The following GRAMD4 variants were observed in gnomAD, a reference collection of about 807,000 sequenced individuals.
The protein encoded by GRAMD4 is GRAM domain-containing protein 4.
In GRAMD4, 25 loss-of-function variants were observed where a neutral mutation model predicts 83.9. That is an observed-to-expected ratio of 0.30 (90% CI 0.22 to 0.42). The LOEUF (loss-of-function observed/expected upper bound fraction) is 0.42, where lower values mean the gene tolerates loss of function less well. GRAMD4 is among the 10% of genes least tolerant of loss of function. GRAMD4 has a pLI of 1.00. For synonymous variants in GRAMD4, 336 were observed against 320.9 expected, an observed-to-expected ratio of 1.05 and a Z score of -0.50; for missense variants, 593 against 788.7, an observed-to-expected ratio of 0.75 and a Z score of 2.97.
intron 1 of GRAMD4, among the ~76,000 whole-genome samples, chr22:46,604,445 T>C (rs2081345831): frequency 6.6e-6 from 1 of 152,216 alleles, no homozygotes; most frequent in South Asian, 2.1e-4. Context: ...TGTCATTTAC[T>C]GGCGTTAAAG....
Position 46,659,248 on chromosome 22 carries a change from C to A in GRAMD4, c.404+941C>A, listed in dbSNP as rs967198897. Among the ~76,000 whole-genome samples the A allele has an allele frequency of 1.1e-4, 14 of 126,510 alleles. No individual in the cohort carries two copies. Among genetic ancestry groups the A allele is most frequent in the African/African-American group, 1.0e-4 (3 of 28,834 alleles). 83.0% of individuals were successfully genotyped at this position (126,510 alleles called of 152,430 possible). ...CTCAGCCTCCACTCCCTCAGCCTCC[C>A]CCCTCAGTCTCCACCCTCAGTTTCT... On this transcript the variant is annotated intron_variant, in intron 4 of 18. Transcript: ENST00000406902. The surrounding 1 kb of genome is among the most constrained non-coding windows in gnomAD (Gnocchi z 4.1).
At chr22:46,581,560 G>A (rs1030142266) in intron 1 of GRAMD4, among the ~76,000 whole-genome samples, 1 of 152,256 alleles carries the variant, frequency 6.6e-6, no homozygotes, top group African/African-American at 2.4e-5. Flanking sequence ...TCAAAGTCAT[G>A]ATGAGACTTC....
rs6008932 is a variant in GRAMD4 at position 46,609,690 on chromosome 22, G to C, written c.-49-17061G>C. Among the ~76,000 whole-genome samples, 1,381 of 152,324 alleles carry C rather than the reference G, an allele frequency of 9.1e-3. 26 individuals carry two copies. Among genetic ancestry groups the C allele is most frequent in the African/African-American group, 0.031 (1,305 of 41,560 alleles). On this transcript the variant is annotated intron_variant, in intron 1 of 1. Coordinates refer to the GRAMD4 transcript ENST00000431155. ...GAGGCCCACGCACACACTGGATTCC[G>C]CATTGTGGAGTGCGAGTGCTTTGGG...
At chr22:46,652,060 G>A (rs1483793165) in intron 3 of GRAMD4, among the ~76,000 whole-genome samples, 1 of 152,184 alleles carries the variant, frequency 6.6e-6, no homozygotes, top group Non-Finnish European at 1.5e-5. Flanking sequence ...GAGGGAGAGT[G>A]TGGTTGGCAC....
intron 1 of GRAMD4, among the ~76,000 whole-genome samples, chr22:46,613,310 G>T (rs766138232): frequency 7.2e-5 from 11 of 152,218 alleles, no homozygotes; most frequent in Non-Finnish European, 1.6e-4. Context: ...GCGACCCACT[G>T]CATGCCTGTG....
rs981806900 is a variant in GRAMD4 at position 46,646,898 on chromosome 22, C to T, written c.283+8938C>T. Among the ~76,000 whole-genome samples the T allele has an allele frequency of 2.8e-4, 43 of 152,024 alleles. 1 individual carries two copies. Among genetic ancestry groups the T allele is most frequent in the African/African-American group, 1.0e-3 (43 of 41,440 alleles). ...GCAAGGAGGAGCAAGTCACATCTTA[C>T]CAGATAGCAGCAGGCAAAGAGAGAG... On this transcript the variant is annotated intron_variant, in intron 3 of 18. Coordinates refer to ENST00000406902, the MANE Select transcript of GRAMD4 (RefSeq NM_015124.5).
intron 1 of GRAMD4, among the ~76,000 whole-genome samples, chr22:46,609,796 G>A (rs1482872281): frequency 1.3e-5 from 2 of 152,234 alleles, no homozygotes; most frequent in African/African-American, 2.4e-5. Flanking sequence ...CGGTGCTTAG[G>A]GCTGGCTCCT....
At chr22:46,681,936 C>T (rs539907843), downstream of GRAMD4, among the ~76,000 whole-genome samples, 136 of 152,260 alleles carry the variant, frequency 8.9e-4, no homozygotes, top group African/African-American at 3.1e-3. Flanking sequence ...GTTTGGAGGA[C>T]AGGGTTGGCC....
rs1158538100 is a variant in GRAMD4 at position 46,622,907 on chromosome 22, A to G, written c.-50+2342A>G. Among the ~76,000 whole-genome samples the G allele has an allele frequency of 2.1e-5, 3 of 140,978 alleles. No homozygotes were observed. The highest frequency in any genetic ancestry group is 7.5e-5 in the Admixed American group (1 of 13,346). 92.5% of individuals were successfully genotyped at this position (140,978 alleles called of 152,430 possible). On this transcript the variant is annotated intron_variant, in intron 1 of 18. Coordinates refer to ENST00000406902, the MANE Select transcript of GRAMD4 (RefSeq NM_015124.5). This position sits in a 1 kb window ranked among gnomAD's most constrained non-coding sequence, Gnocchi z 4.0. Reference sequence around the variant, plus strand: ...AGCCTGGGCGACAGAGCAAGACTCCATCTCTAAAAAAAAAAAAAAAAAAAC... The same window carrying G: ...AGCCTGGGCGACAGAGCAAGACTCCGTCTCTAAAAAAAAAAAAAAAAAAAC...
intron 13 of GRAMD4, among the ~76,000 whole-genome samples, chr22:46,671,824 ACT>A (rs1219378342): frequency 1.3e-5 from 2 of 152,222 alleles, no homozygotes; most frequent in Non-Finnish European, 2.9e-5. Context: ...ACAGAGCAAG[ACT>A]CTGTCTCAAA....
At chr22:46,668,319 G>A (rs2082442702) in intron 11 of GRAMD4, 152 bp downstream of exon 11, 5 of 615,676 alleles carry the variant, frequency 8.1e-6, no homozygotes, top group South Asian at 3.9e-5. Flanking sequence ...GTTTGTCCGC[G>A]GTCAGCTGAC....
At chr22:46,666,381 A>G (rs2082409362) in intron 9 of GRAMD4, among the ~76,000 whole-genome samples, 1 of 152,240 alleles carries the variant, frequency 6.6e-6, no homozygotes, top group Non-Finnish European at 1.5e-5. Context: ...TGGCCGTTCA[A>G]AAGTTTGCAC....
intron 1 of GRAMD4, among the ~76,000 whole-genome samples, chr22:46,596,844 C>G (rs983479977): frequency 1.3e-5 from 2 of 152,232 alleles, no homozygotes; most frequent in African/African-American, 2.4e-5. Flanking sequence ...AGCCACCATG[C>G]CTGGCCCAGA....
At chr22:46,601,075 C>T (rs141446799) in intron 1 of GRAMD4, among the ~76,000 whole-genome samples, 4,838 of 152,040 alleles carry the variant, frequency 0.032, 104 homozygotes, top group Non-Finnish European at 0.045. Context: ...ACCTGGGAGG[C>T]GGAGGTTGCA....
intron 1 of GRAMD4, among the ~76,000 whole-genome samples, chr22:46,602,065 T>A (rs572464102): frequency 2.6e-5 from 4 of 152,274 alleles, no homozygotes; most frequent in Non-Finnish European, 5.9e-5. Context: ...GGCGGTGGGC[T>A]CTCCATGGTG....
rs550627716 is a variant in GRAMD4, at chr22:46,665,056, G to A, written c.718-559G>A. Among the ~76,000 whole-genome samples, 30 of 152,384 alleles carry A rather than the reference G, an allele frequency of 2.0e-4. No homozygotes were observed. In the South Asian group the frequency reaches 2.9e-3, roughly 15 times the overall value. Reference sequence around the variant, plus strand: ...CCACCCTCACAAATGCTTTGCGACAGGAGGCCTTTGCTGCCTGGGCTCCCA... The same window carrying A: ...CCACCCTCACAAATGCTTTGCGACAAGAGGCCTTTGCTGCCTGGGCTCCCA... On this transcript the variant is annotated intron_variant, in intron 8 of 18. Transcript: ENST00000406902.
In GRAMD4 at chr22:46,621,093, G is replaced by A. The variant is rs1010219968; in HGVS notation, c.-50+528G>A. ...AGGGACCGTGGAGGGGGTGGGGATG[G>A]GCAGCTAGAAGTGGGGAGGGCAGGG... On this transcript the variant is annotated intron_variant, in intron 1 of 18. Transcript: ENST00000406902. The surrounding 1 kb of genome is among the most constrained non-coding windows in gnomAD (Gnocchi z 5.8). Among the ~76,000 whole-genome samples, 4 of 151,978 alleles carry A rather than the reference G, an allele frequency of 2.6e-5. No individual in the cohort carries two copies. Among genetic ancestry groups the A allele is most frequent in the Non-Finnish European group, 4.4e-5 (3 of 67,956 alleles).
At chr22:46,627,589 G>T (rs2081686766) in intron 2 of GRAMD4, among the ~76,000 whole-genome samples, 1 of 152,196 alleles carries the variant, frequency 6.6e-6, no homozygotes, top group Admixed American at 6.5e-5. Flanking sequence ...AGCATGGTGG[G>T]TTGGGCTCCC....
Position 46,635,752 on chromosome 22 carries a change from G to A in GRAMD4, c.163-2088G>A, listed in dbSNP as rs137944753. ...GGGGCCCGTGTCCTCCCTGCCCCCC[G>A]CCCCTGGCCACTCCTGTCCTAGGTG... On this transcript the variant is annotated intron_variant, in intron 2 of 18. Coordinates refer to ENST00000406902, the MANE Select transcript of GRAMD4 (RefSeq NM_015124.5). Among the ~76,000 whole-genome samples the A allele has an allele frequency of 2.7e-3, 146 of 54,352 alleles. 2 individuals carry two copies. Among genetic ancestry groups the A allele is most frequent in the African/African-American group, 5.1e-3 (47 of 9,306 alleles). The allele number at this position is 54,352 out of a possible 152,430, so 35.7% of individuals were successfully genotyped here.
Sources: gnomAD v4.1 joint callset for allele counts (sites outside exome capture counted in the v4.1 genomes callset) on GRCh38, gnomAD v4.1.1 for gene constraint, Gnocchi (gnomAD v3.1) non-coding constraint, MANE v1.5 for transcripts, NCBI Gene and HGNC (gene_info 2026-07-23, HGNC 2026-07-21) for gene names.